The following ENTPD7 variants were observed in gnomAD, a reference collection of about 807,000 sequenced individuals.
ENTPD7 encodes the protein NTPDase 7.
A neutral mutation model predicts 77.9 loss-of-function variants in ENTPD7; 53 were observed. That is an observed-to-expected ratio of 0.68 (90% confidence interval 0.55 to 0.85). The LOEUF (loss-of-function observed/expected upper bound fraction) is 0.85, where lower values mean the gene tolerates loss of function less well. ENTPD7 is among the 40% of genes least tolerant of loss of function. ENTPD7 has a pLI of 0.00. For missense variants in ENTPD7, 636 were observed against 743.7 expected (o/e 0.86, Z 1.68); for synonymous variants, 248 against 274.9 (o/e 0.90, Z 0.97).
Position 99,659,658 on chromosome 10 carries a change from C to T in ENTPD7, c.-96+70C>T, listed in dbSNP as rs1387292877. The T allele has an allele frequency of 6.9e-6, 2 of 291,858 alleles. No homozygotes were observed. The highest frequency in any genetic ancestry group is 1.3e-5 in the Non-Finnish European group (2 of 155,790). The allele number at this position is 291,858 out of a possible 1,614,324, so 18.1% of individuals were successfully genotyped here. A position where few individuals can be genotyped will look rare whatever the true frequency, so the allele number is the denominator to read the frequency against. On this transcript the variant is annotated intron_variant, in intron 1 of 12. Transcript: ENST00000370489. This position sits in a 1 kb window ranked among gnomAD's most constrained non-coding sequence, Gnocchi z 4.1. Reference sequence around the variant, plus strand: ...AGAGGAAGCGGGACCCACACCCCGCCACCTGGGGACGACCGGTTCCTAGAG... The same window carrying T: ...AGAGGAAGCGGGACCCACACCCCGCTACCTGGGGACGACCGGTTCCTAGAG...
intron 12 of ENTPD7, 88 bp downstream of exon 12, chr10:99,702,761 C>T: frequency 7.7e-7 from 1 of 1,304,404 alleles, no homozygotes; most frequent in South Asian, 1.7e-5. Context: ...TTTTTTTTAA[C>T]CAGCTTAGAA....
At chr10:99,697,859 G>A (rs1313880803) in intron 9 of ENTPD7, 1 of 153,000 alleles carries the variant, frequency 6.5e-6, no homozygotes, top group African/African-American at 2.4e-5. Flanking sequence ...TCTGTCCTTG[G>A]ACAGATCTTC....
At chr10:99,661,248 A>G (rs1370707154) in intron 2 of ENTPD7, among the ~76,000 whole-genome samples, 198 bp from the exon 3 acceptor site, 1 of 152,180 alleles carries the variant, frequency 6.6e-6, no homozygotes, top group Non-Finnish European at 1.5e-5. Context: ...GTTTGGAAAA[A>G]GGGCAGATAA....
At chr10:99,671,405 T>G (rs2035617946) in intron 3 of ENTPD7, among the ~76,000 whole-genome samples, 1 of 151,552 alleles carries the variant, frequency 6.6e-6, no homozygotes, top group South Asian at 2.1e-4. Flanking sequence ...TTTTAAAAAC[T>G]TAAAGTTTTT....
intron 8 of ENTPD7, among the ~76,000 whole-genome samples, chr10:99,692,926 G>T (rs980628450): frequency 6.6e-6 from 1 of 152,132 alleles, no homozygotes; most frequent in South Asian, 2.1e-4. Flanking sequence ...AAAAATTTTT[G>T]TGTCAGTAGG....
Position 99,659,701 on chromosome 10 carries a change from A to G in ENTPD7, c.-96+113A>G, listed in dbSNP as rs1285794164. The G allele has an allele frequency of 4.3e-6, 2 of 465,388 alleles. No individual in the cohort carries two copies. The highest frequency in any genetic ancestry group is 2.0e-5 in the African/African-American group (1 of 49,710). The allele number at this position is 465,388 out of a possible 1,614,324, so 28.8% of individuals were successfully genotyped here. On this transcript the variant is annotated intron_variant, in intron 1 of 12. Transcript: ENST00000370489. The surrounding 1 kb of genome is among the most constrained non-coding windows in gnomAD (Gnocchi z 4.1). ...TCCTAGAGGACAGAGCTGGCCCACG[A>G]GAACGCCCCGCTCCCAGGATGCCCG...
rs2036271750 is a variant in ENTPD7 at position 99,707,275 on chromosome 10, A to G, written c.*2592A>G. On this transcript the variant is annotated 3_prime_UTR_variant, in exon 13 of 13. Coordinates refer to ENST00000370489, the MANE Select transcript of ENTPD7 (RefSeq NM_020354.5). ...CAGGAGTTCCACAGTACTGAAGGAA[A>G]ATTTTGTCATATCCCTCAGAAGAAC... is the stretch of plus-strand genomic sequence containing the variant. Among the ~76,000 whole-genome samples, 1 of 152,126 alleles carries G rather than the reference A, an allele frequency of 6.6e-6. No individual in the cohort carries two copies.
At chr10:99,673,948 T>C (rs780936674) in intron 3 of ENTPD7, among the ~76,000 whole-genome samples, 2 of 152,222 alleles carry the variant, frequency 1.3e-5, no homozygotes, top group African/African-American at 4.8e-5. Flanking sequence ...GAGAAACTTA[T>C]GGTCTAAACA....
intron 8 of ENTPD7, 150 bp downstream of exon 8, chr10:99,691,668 T>C (rs1402443717): frequency 1.3e-6 from 1 of 747,700 alleles, no homozygotes; most frequent in Non-Finnish European, 2.1e-6. Context: ...GTTACCTCTC[T>C]GAGCCTCAGC....
intron 3 of ENTPD7, among the ~76,000 whole-genome samples, chr10:99,669,740 G>GTTTTTTTTTTT (rs71472510): frequency 1.7e-5 from 1 of 59,256 alleles, no homozygotes; most frequent in African/African-American, 6.7e-5. Context: ...TAGATGTGTG[G>GTTTTTTTTTTT]TTTTTTTTTT....
rs2036163618 is a variant in ENTPD7 at position 99,702,655 on chromosome 10, C to T, written c.1565C>T (p.Thr522Ile). The stretch of plus-strand genomic sequence containing the variant: ...ACGCTGGGAGCCATTCTATATAAAA[C>T]ACGATTCTTACCACTCAGGTAAAGT... ...QWTLGAILYK[T>I]RFLPLRDLRQ... is the part of the protein sequence containing the mutation. Residue 522 changes from threonine to isoleucine, a missense_variant, in exon 12 of 13, where the codon ACA becomes ATA. Thr to Ile is a moderately conservative substitution (Grantham distance 89). Coordinates refer to ENST00000370489, the MANE Select transcript of ENTPD7 (RefSeq NM_020354.5). The T allele has an allele frequency of 2.5e-6, 4 of 1,611,744 alleles. No individual in the cohort carries two copies. The highest frequency in any genetic ancestry group is 3.4e-6 in the Non-Finnish European group (4 of 1,179,174).
rs2065995943 is a variant in ENTPD7 at position 99,698,760 on chromosome 10, A to G, written c.1237A>G (p.Ser413Gly). The G allele has an allele frequency of 6.2e-7, 1 of 1,614,254 alleles. No individual in the cohort carries two copies. The highest frequency in any genetic ancestry group is 8.5e-7 in the Non-Finnish European group (1 of 1,180,046). The change falls in exon 10 of 13, where the codon AGC becomes GGC. Residue 413 changes from serine to glycine, a missense_variant. Physicochemically the swap from Ser to Gly is moderately conservative, Grantham distance 56 (BLOSUM62 0). This residue lies in a region of ENTPD7 where 486 missense variants were observed against 556.5 expected (regional missense o/e 0.87). Coordinates refer to ENST00000370489, the MANE Select transcript of ENTPD7 (RefSeq NM_020354.5). ...IYQSPIDFNN[S>G]EFYGFSEFFY... ...TCAATCGCCTATTGACTTCAACAAC[A>G]GCGAGTTCTACGGCTTCTCTGAGTT...
chr10:99,683,205 A>T (rs781127912), intron 5 of ENTPD7, among the ~76,000 whole-genome samples: 3 of 152,148 alleles, frequency 2.0e-5, no homozygotes, highest in Non-Finnish European at 4.4e-5. Flanking sequence ...TGCTGCCTCT[A>T]AGTCCAAGCG....
intron 11 of ENTPD7, among the ~76,000 whole-genome samples, chr10:99,701,595 AT>A (rs201405539): frequency 1.7e-4 from 26 of 149,478 alleles, no homozygotes; most frequent in African/African-American, 2.9e-4. Context: ...GCCAAAAGTG[AT>A]TTTTTTTTTA....
intron 3 of ENTPD7, among the ~76,000 whole-genome samples, chr10:99,669,344 A>G (rs1466737442): frequency 6.6e-6 from 1 of 152,114 alleles, no homozygotes; most frequent in African/African-American, 2.4e-5. Flanking sequence ...TGAACTTTTT[A>G]TAGGCATTGG....
At chr10:99,692,367 T>C (rs955149933) in intron 8 of ENTPD7, among the ~76,000 whole-genome samples, 2 of 152,156 alleles carry the variant, frequency 1.3e-5, no homozygotes. Flanking sequence ...TTACCAGATG[T>C]GTGGGGCAGG....
chr10:99,703,748 G>A (rs765407441), intron 12 of ENTPD7, among the ~76,000 whole-genome samples: 5 of 152,098 alleles, frequency 3.3e-5, no homozygotes, highest in Non-Finnish European at 5.9e-5. Context: ...ACAGGGTCTT[G>A]CTCTGTTGCC....
intron 8 of ENTPD7, among the ~76,000 whole-genome samples, chr10:99,693,859 A>C (rs958316908): frequency 3.9e-5 from 6 of 152,022 alleles, no homozygotes; most frequent in African/African-American, 1.5e-4. Flanking sequence ...CAGAAGTTGC[A>C]GTGAGCCAAG....
At chr10:99,680,055 A>G (rs2035734049) in intron 5 of ENTPD7, among the ~76,000 whole-genome samples, 180 bp downstream of exon 5, 1 of 152,208 alleles carries the variant, frequency 6.6e-6, no homozygotes, top group Non-Finnish European at 1.5e-5. Flanking sequence ...TGGGATGACT[A>G]TAGTGATTCT....
Sources: allele counts gnomAD v4.1 joint callset (sites outside exome capture counted in the v4.1 genomes callset), GRCh38; gene constraint gnomAD v4.1.1; regional missense constraint gnomAD v4.1.1; non-coding constraint Gnocchi (gnomAD v3.1); transcripts MANE v1.5; gene names NCBI Gene and HGNC (gene_info 2026-07-23, HGNC 2026-07-21).